ATF6: variants seen among roughly 807,000 people sequenced by gnomAD.
The protein encoded by ATF6 is activating transcription factor 6, also known as cyclic AMP-dependent transcription factor ATF-6 alpha.
In ATF6, 53 loss-of-function variants were observed where a neutral mutation model predicts 83.6. The observed-to-expected ratio is 0.63, with a 90% CI of 0.51 to 0.80. The LOEUF (loss-of-function observed/expected upper bound fraction) is 0.80. Among genes scored for constraint, ATF6 ranks in the 30% least tolerant of loss-of-function variants. ATF6 has a pLI of 0.00. For synonymous variants in ATF6, 288 were observed against 285.8 expected (o/e 1.01, Z -0.08); for missense variants, 744 against 797.9 (o/e 0.93, Z 0.81).
At chr1:161,864,583 C>G (rs139409206) in intron 14 of ATF6, among the ~76,000 whole-genome samples, 44 of 152,292 alleles carry the variant, frequency 2.9e-4, no homozygotes, top group African/African-American at 1.0e-3. Context: ...TACTTGAAAA[C>G]TAGGGAGATC....
intron 9 of ATF6, among the ~76,000 whole-genome samples, chr1:161,829,849 A>G (rs564369516): frequency 6.6e-6 from 1 of 152,314 alleles, no homozygotes; most frequent in East Asian, 1.9e-4. Context: ...CCAATATCAT[A>G]CTGAATGGGC....
At chr1:161,811,382 T>A (rs1182413656) in intron 7 of ATF6, among the ~76,000 whole-genome samples, 1 of 152,328 alleles carries the variant, frequency 6.6e-6, no homozygotes, top group Non-Finnish European at 1.5e-5. Context: ...TAGACTTTTC[T>A]GTGGCTCTTA....
intron 7 of ATF6, among the ~76,000 whole-genome samples, chr1:161,807,987 C>G (rs1464314873): frequency 7.0e-6 from 1 of 143,442 alleles, no homozygotes; most frequent in Non-Finnish European, 1.5e-5. Flanking sequence ...TCAAGCGATT[C>G]TCCTGCCTCA....
intron 14 of ATF6, 32 bp downstream of exon 14, chr1:161,863,344 T>C (rs762141059): frequency 7.1e-7 from 1 of 1,405,386 alleles, no homozygotes; most frequent in South Asian, 1.2e-5. Flanking sequence ...AGAGCAAATA[T>C]TTTTGAGTGC....
At chr1:161,912,032 C>T (rs747879935) in intron 14 of ATF6, among the ~76,000 whole-genome samples, 48 of 152,082 alleles carry the variant, frequency 3.2e-4, no homozygotes, top group Non-Finnish European at 5.7e-4. Flanking sequence ...TATAGTGGTG[C>T]TACAGCATAT....
intron 7 of ATF6, among the ~76,000 whole-genome samples, chr1:161,816,962 T>C (rs1685628043): frequency 6.6e-6 from 1 of 152,262 alleles, no homozygotes; most frequent in African/African-American, 2.4e-5. Context: ...TGTTTGGTGA[T>C]AGCCGTGGGT....
At chr1:161,800,789 G>C (rs543494412) in intron 6 of ATF6, among the ~76,000 whole-genome samples, 1 of 152,328 alleles carries the variant, frequency 6.6e-6, no homozygotes, top group African/African-American at 2.4e-5. Context: ...GGATGAGGAG[G>C]CATTCTGCTG....
At chr1:161,802,469 A>G (rs1401499128) in intron 7 of ATF6, among the ~76,000 whole-genome samples, 197 bp downstream of exon 7, 1 of 152,108 alleles carries the variant, frequency 6.6e-6, no homozygotes, top group Admixed American at 6.6e-5. Context: ...TCTAAGTGAA[A>G]AGGTTTTTGA....
At chr1:161,955,871 G>A (rs1410167282) in intron 15 of ATF6, among the ~76,000 whole-genome samples, 1 of 152,180 alleles carries the variant, frequency 6.6e-6, no homozygotes, top group Non-Finnish European at 1.5e-5. Context: ...CAGAAGAAGA[G>A]TGTGAGGAAG....
chr1:161,888,534 A>T (rs1270056241), intron 14 of ATF6, among the ~76,000 whole-genome samples: 1 of 152,180 alleles, frequency 6.6e-6, no homozygotes, highest in Non-Finnish European at 1.5e-5. Flanking sequence ...CTATAAATAA[A>T]AATTCTTTCC....
intron 1 of ATF6, among the ~76,000 whole-genome samples, chr1:161,768,534 A>G (rs1165256831): frequency 6.6e-6 from 1 of 152,076 alleles, no homozygotes; most frequent in African/African-American, 2.4e-5. Flanking sequence ...ATGTTCAAGT[A>G]CTTCACTGAT....
chr1:161,917,502 G>A (rs996121787), intron 15 of ATF6, among the ~76,000 whole-genome samples: 5 of 151,596 alleles, frequency 3.3e-5, no homozygotes, highest in African/African-American at 1.2e-4. Flanking sequence ...CTCACTGCAA[G>A]CTCCACCTCC....
intron 12 of ATF6, among the ~76,000 whole-genome samples, chr1:161,858,104 G>T (rs1571194907): frequency 6.6e-6 from 1 of 151,846 alleles, no homozygotes; most frequent in African/African-American, 2.4e-5. Context: ...AAGACCCTGT[G>T]TCTTAAAAAG....
intron 6 of ATF6, among the ~76,000 whole-genome samples, chr1:161,795,469 G>A (rs984099325): frequency 2.0e-5 from 3 of 152,094 alleles, no homozygotes; most frequent in Non-Finnish European, 2.9e-5. Context: ...AGATGAGAAC[G>A]CTAAGTACAG....
In ATF6 at chr1:161,784,056, C is replaced by G; in HGVS notation, c.314C>G (p.Pro105Arg). The stretch of plus-strand genomic sequence containing the variant: ...TCCTCAAGTTATTCAGTCTCGTCTC[C>G]TCGGTCAGTGGACTCTTATTCTTCA... Reference protein sequence around the residue: ...PASSSYSVSSPRSVDSYSSTQ... With the variant: ...PASSSYSVSSRRSVDSYSSTQ... Residue 105 changes from proline to arginine, a missense_variant, in exon 4 of 16, where the codon CCT (proline) becomes CGT (arginine). By Grantham distance (103) the Pro-to-Arg change is moderately radical (BLOSUM62 -2). Transcript: ENST00000367942. The G allele has an allele frequency of 6.2e-7, 1 of 1,613,738 alleles. No individual in the cohort carries two copies. Among genetic ancestry groups the G allele is most frequent in the Non-Finnish European group, 8.5e-7 (1 of 1,179,752 alleles).
At chr1:161,922,486 C>CA (rs932115203) in intron 15 of ATF6, among the ~76,000 whole-genome samples, 116 of 150,402 alleles carry the variant, frequency 7.7e-4, no homozygotes, top group Middle Eastern at 3.4e-3. Context: ...CAGAAGAAAA[C>CA]AAAAAAAAAT....
Position 161,784,113 on chromosome 1 carries a change from T to C in ATF6, c.354+17T>C. 6.4e-7 allele frequency: 1 copy of C among 1,571,570 alleles called. No individual in the cohort carries two copies. Among genetic ancestry groups the C allele is most frequent in the East Asian group, 2.2e-5 (1 of 44,542 alleles). Reference sequence around the variant, plus strand: ...CATGTTCCTGTGAGTAGCCAGTCTTTTACAATGATTTTGGTTATAATATGC... The same window carrying C: ...CATGTTCCTGTGAGTAGCCAGTCTTCTACAATGATTTTGGTTATAATATGC... On this transcript the variant is annotated intron_variant, in intron 4 of 15. Transcript: ENST00000367942.
chr1:161,814,861 A>G (rs1685573796), intron 7 of ATF6, among the ~76,000 whole-genome samples: 1 of 152,202 alleles, frequency 6.6e-6, no homozygotes, highest in African/African-American at 2.4e-5. Context: ...GATTTTAACT[A>G]TGTGTGTTTT....
chr1:161,920,624 T>C (rs1405725616), intron 15 of ATF6, among the ~76,000 whole-genome samples: 2 of 151,012 alleles, frequency 1.3e-5, no homozygotes, highest in Non-Finnish European at 3.0e-5. Flanking sequence ...TTTATTATAT[T>C]GAGAAGTCCA....
Sources: allele counts gnomAD v4.1 joint callset (sites outside exome capture counted in the v4.1 genomes callset), GRCh38; gene constraint gnomAD v4.1.1; transcripts MANE v1.5; gene names NCBI Gene and HGNC (gene_info 2026-07-23, HGNC 2026-07-21).